Variants in ROBO2 observed in about 807,000 individuals in gnomAD.
ROBO2 encodes the protein roundabout homolog 2.
ROBO2 carries 53 observed loss-of-function variants against 160.8 expected under a neutral mutation model. The observed-to-expected ratio is 0.33, with a 90% CI of 0.26 to 0.41. The LOEUF is 0.41. Ranked by LOEUF, ROBO2 falls within the 10% of genes least tolerant of loss-of-function variation. The pLI is 1.00. For missense variants in ROBO2, 1,577 were observed against 1,722.4 expected (o/e 0.92, Z 1.49); for synonymous variants, 664 against 611.7 (o/e 1.09, Z -1.26).
intron 2 of ROBO2, among the ~76,000 whole-genome samples, chr3:77,251,357 G>T (rs904077721): frequency 1.3e-5 from 2 of 152,122 alleles, no homozygotes; most frequent in African/African-American, 4.8e-5. Context: ...CAAGTGTGGT[G>T]GCCAAAGGGT....
At chr3:77,301,720 C>A (rs2062673683) in intron 2 of ROBO2, among the ~76,000 whole-genome samples, 1 of 152,134 alleles carries the variant, frequency 6.6e-6, no homozygotes, top group African/African-American at 2.4e-5. Flanking sequence ...ATGATACCTT[C>A]TTTTTACTTT....
At chr3:76,681,155 A>C (rs2092552085) in intron 2 of ROBO2, among the ~76,000 whole-genome samples, 1 of 152,156 alleles carries the variant, frequency 6.6e-6, no homozygotes, top group Non-Finnish European at 1.5e-5. Context: ...AAAGACAATT[A>C]ATCTAAAATC....
intron 1 of ROBO2, among the ~76,000 whole-genome samples, chr3:77,076,806 G>T (rs1032428244): frequency 2.6e-5 from 4 of 152,116 alleles, no homozygotes; most frequent in Non-Finnish European, 4.4e-5. Flanking sequence ...GAGTTTTCGT[G>T]TGTTTTTTTA....
intron 2 of ROBO2, among the ~76,000 whole-genome samples, chr3:75,943,243 CA>C (rs34915691): frequency 0.43 from 64,504 of 151,760 alleles, 14,988 homozygotes; most frequent in South Asian, 0.65. Context: ...ACAATAGTAA[CA>C]AAAAAATCTT....
intron 4 of ROBO2, among the ~76,000 whole-genome samples, 160 bp downstream of exon 4, chr3:77,481,379 A>G (rs1406574235): frequency 6.6e-6 from 1 of 152,218 alleles, no homozygotes; most frequent in Non-Finnish European, 1.5e-5. Context: ...CTTTCTAATG[A>G]AAGCTTCGAT....
chr3:76,927,676 A>C (rs575922718), intron 2 of ROBO2, among the ~76,000 whole-genome samples: 1 of 152,310 alleles, frequency 6.6e-6, no homozygotes, highest in African/African-American at 2.4e-5. Context: ...CTTTTTCAAA[A>C]AATATAGGAA....
chr3:76,490,318 A>G (rs2107510067), intron 2 of ROBO2, among the ~76,000 whole-genome samples: 1 of 152,342 alleles, frequency 6.6e-6, no homozygotes, highest in South Asian at 2.1e-4. Context: ...TTGCAGATCA[A>G]TGTTGAACAT....
intron 2 of ROBO2, among the ~76,000 whole-genome samples, chr3:76,049,544 A>C (rs918883859): frequency 6.6e-6 from 1 of 150,952 alleles, no homozygotes; most frequent in Non-Finnish European, 1.5e-5. Context: ...GAATCTGGCC[A>C]CAAGCGTTCC....
intron 2 of ROBO2, among the ~76,000 whole-genome samples, chr3:77,324,068 C>T (rs985706661): frequency 1.3e-5 from 2 of 152,118 alleles, no homozygotes; most frequent in African/African-American, 2.4e-5. Flanking sequence ...GAGGGTCTCC[C>T]AATTTGCTGC....
chr3:77,393,015 T>C (rs2074899665), intron 2 of ROBO2, among the ~76,000 whole-genome samples: 1 of 152,184 alleles, frequency 6.6e-6, no homozygotes, highest in Non-Finnish European at 1.5e-5. Context: ...TAAATTTAAG[T>C]TGAGCACCAG....
intron 2 of ROBO2, among the ~76,000 whole-genome samples, chr3:76,536,698 G>A (rs1035302162): frequency 6.6e-6 from 1 of 152,084 alleles, no homozygotes; most frequent in Non-Finnish European, 1.5e-5. Context: ...TGTGAGATTG[G>A]GCTAGGGTAT....
At chr3:76,186,344 C>G (rs1453901099) in intron 2 of ROBO2, among the ~76,000 whole-genome samples, 1 of 152,030 alleles carries the variant, frequency 6.6e-6, no homozygotes, top group Non-Finnish European at 1.5e-5. Context: ...TTTCTATCTC[C>G]TTCCCCCATA....
intron 2 of ROBO2, among the ~76,000 whole-genome samples, chr3:76,561,491 T>C (rs1026659726): frequency 3.9e-5 from 6 of 152,210 alleles, no homozygotes; most frequent in African/African-American, 1.4e-4. Flanking sequence ...AAAATGCTGC[T>C]ACTTTCTTGC....
chr3:76,060,639 G>T (rs982823615), intron 2 of ROBO2, among the ~76,000 whole-genome samples: 1 of 152,184 alleles, frequency 6.6e-6, no homozygotes, highest in African/African-American at 2.4e-5. Flanking sequence ...TAATCTGACT[G>T]CTGTGGCTAA....
chr3:77,476,202 T>C (rs1410405438), intron 2 of ROBO2, among the ~76,000 whole-genome samples: 2 of 152,140 alleles, frequency 1.3e-5, no homozygotes, highest in African/African-American at 2.4e-5. Flanking sequence ...ACCTACAGAC[T>C]TGGCACAACA....
chr3:77,289,535 C>A (rs571314056), intron 2 of ROBO2, among the ~76,000 whole-genome samples: 3 of 150,388 alleles, frequency 2.0e-5, no homozygotes, highest in East Asian at 4.0e-4. Context: ...GGCTAGATCA[C>A]CCCAGACATA....
At chr3:77,641,840 A>C (rs2153723012) in intron 24 of ROBO2, among the ~76,000 whole-genome samples, 1 of 152,282 alleles carries the variant, frequency 6.6e-6, no homozygotes, top group African/African-American at 2.4e-5. Flanking sequence ...CTGAAGAGTT[A>C]ATAAAAGAGA....
At chr3:76,182,493 A>G (rs1701554486) in intron 2 of ROBO2, among the ~76,000 whole-genome samples, 1 of 152,124 alleles carries the variant, frequency 6.6e-6, no homozygotes, top group Non-Finnish European at 1.5e-5. Flanking sequence ...GTGTTACCCT[A>G]CTTAGTGATT....
At chr3:77,444,054 A>C (rs1277028240) in intron 2 of ROBO2, among the ~76,000 whole-genome samples, 1 of 151,996 alleles carries the variant, frequency 6.6e-6, no homozygotes. Context: ...TTTGTTTCTT[A>C]TTATCTTTGT....
Sources: allele counts gnomAD v4.1 joint callset (sites outside exome capture counted in the v4.1 genomes callset), GRCh38; gene constraint gnomAD v4.1.1; transcripts MANE v1.5; gene names NCBI Gene and HGNC (gene_info 2026-07-23, HGNC 2026-07-21).